The following SLCO1B3 variants were observed in gnomAD, a reference collection of about 807,000 sequenced individuals.
SLCO1B3 encodes liver-specific organic anion transporter 2.
SLCO1B3 carries 72 observed loss-of-function variants against 71.8 expected under a neutral mutation model. The observed-to-expected ratio is 1.00, with a 90% CI of 0.83 to 1.22. The LOEUF (loss-of-function observed/expected upper bound fraction) is 1.22, where lower values mean the gene tolerates loss of function less well. SLCO1B3 is among the 50% of genes most tolerant of loss of function. The pLI is 0.00. For synonymous variants in SLCO1B3, 298 were observed against 278.4 expected, an observed-to-expected ratio of 1.07 and a Z score of -0.70; for missense variants, 911 against 819.7, an observed-to-expected ratio of 1.11 and a Z score of -1.36.
At chr12:20,861,263 A>T (rs1251643842) in intron 6 of SLCO1B3, 125 bp downstream of exon 6, 2 of 827,174 alleles carry the variant, frequency 2.4e-6, no homozygotes, top group African/African-American at 3.5e-5. Context: ...TATCCCTTAC[A>T]TACAGACAAA....
intron 13 of SLCO1B3, among the ~76,000 whole-genome samples, chr12:20,893,345 A>G (rs1865940389): frequency 6.6e-6 from 1 of 152,194 alleles, no homozygotes; most frequent in African/African-American, 2.4e-5. Context: ...CAAAAATGAC[A>G]GGGAGTTTGG....
chr12:20,858,407 G>C (rs77895491), intron 4 of SLCO1B3, 32 bp from the exon 5 acceptor site: 1 of 1,471,684 alleles, frequency 6.8e-7, no homozygotes, highest in Non-Finnish European at 9.5e-7. Context: ...ATTACACTAA[G>C]TCATATCAAC....
In SLCO1B3 at chr12:20,906,647, C is replaced by CA. The variant is rs1281782955; in HGVS notation, c.1865+5187dup. Among the ~76,000 whole-genome samples the CA allele has an allele frequency of 3.3e-5, 5 of 151,880 alleles. No individual in the cohort carries two copies. In the East Asian group the frequency reaches 5.8e-4, roughly 18 times the overall value. On this transcript the variant is annotated intron_variant, in intron 15 of 15. Coordinates refer to ENST00000381545, the MANE Select transcript of SLCO1B3 (RefSeq NM_019844.4). ...CTAAAATTGCTATAAAATATAAAGA[C>CA]AAAAAAATCACGAAACATTTTTCAA... is the stretch of plus-strand genomic sequence containing the variant.
In SLCO1B3 at chr12:20,825,103, A is replaced by G. The variant is rs370420653; in HGVS notation, c.84+9281A>G. 1.1e-3 allele frequency among the ~76,000 whole-genome samples: 163 copies of G among 152,340 alleles called. 4 individuals carry two copies. The South Asian group carries it at 0.033, about 30-fold the overall frequency. On this transcript the variant is annotated intron_variant, in intron 3 of 15. Coordinates refer to ENST00000381545, the MANE Select transcript of SLCO1B3 (RefSeq NM_019844.4). ...CTATTAAATTTTAATCATTTTGACC[A>G]TAAGCTATAATTTCCATAAACCTTT...
chr12:20,862,890 C>A, intron 8 of SLCO1B3, 36 bp downstream of exon 8: 1 of 1,121,432 alleles, frequency 8.9e-7, no homozygotes, highest in Non-Finnish European at 1.3e-6. Flanking sequence ...ATGATAGTGT[C>A]TTTTAAGTGC....
Position 20,835,193 on chromosome 12 carries a change from G to C in SLCO1B3, c.84+19371G>C, listed in dbSNP as rs930558382. On this transcript the variant is annotated intron_variant, in intron 3 of 15. Coordinates refer to ENST00000381545, the MANE Select transcript of SLCO1B3 (RefSeq NM_019844.4). ...CAAGTCATGAGACTGCACACAGCAG[G>C]GGGGCCCTGGACCAGGCTCAGGAAA... 3.9e-5 allele frequency among the ~76,000 whole-genome samples: 6 copies of C among 152,138 alleles called. No homozygotes were observed. The East Asian group carries it at 9.7e-4, about 24-fold the overall frequency.
At chr12:20,890,138 CA>C (rs927633941) in intron 13 of SLCO1B3, among the ~76,000 whole-genome samples, 3 of 151,588 alleles carry the variant, frequency 2.0e-5, no homozygotes, top group African/African-American at 7.3e-5. Context: ...AGGCTGGTCT[CA>C]AACTCCTGAT....
chr12:20,910,600 C>A (rs540094644), intron 15 of SLCO1B3, among the ~76,000 whole-genome samples: 15 of 152,200 alleles, frequency 9.9e-5, no homozygotes, highest in African/African-American at 3.1e-4. Flanking sequence ...CATGGAATAT[C>A]ACTTCATATT....
At chr12:20,846,575 G>T (rs1190387595) in intron 3 of SLCO1B3, among the ~76,000 whole-genome samples, 1 of 152,128 alleles carries the variant, frequency 6.6e-6, no homozygotes, top group Non-Finnish European at 1.5e-5. Context: ...AGTATATGAA[G>T]TAAAAAGAGG....
chr12:20,837,513 GT>G (rs1195754000), intron 3 of SLCO1B3, among the ~76,000 whole-genome samples: 2 of 151,812 alleles, frequency 1.3e-5, no homozygotes, highest in African/African-American at 4.8e-5. Flanking sequence ...GATGAATTGT[GT>G]TTTTATTTTT....
chr12:20,887,190 T>C (rs1865807460), intron 13 of SLCO1B3, among the ~76,000 whole-genome samples: 1 of 152,036 alleles, frequency 6.6e-6, no homozygotes, highest in African/African-American at 2.4e-5. Flanking sequence ...TACAAGTCAG[T>C]TGTCTTTTTA....
chr12:20,911,073 T>C (rs1404976221), intron 15 of SLCO1B3, among the ~76,000 whole-genome samples: 1 of 152,114 alleles, frequency 6.6e-6, no homozygotes, highest in African/African-American at 2.4e-5. Context: ...GTAAAAAATG[T>C]GTAGAATTTT....
intron 3 of SLCO1B3, among the ~76,000 whole-genome samples, chr12:20,836,072 A>G (rs1041675139): frequency 1.3e-5 from 2 of 152,206 alleles, no homozygotes; most frequent in African/African-American, 4.8e-5. Context: ...GGAGAACTGC[A>G]CTTTATAAAA....
intron 3 of SLCO1B3, among the ~76,000 whole-genome samples, chr12:20,848,518 A>C (rs1213219435): frequency 6.6e-6 from 1 of 152,198 alleles, no homozygotes; most frequent in African/African-American, 2.4e-5. Context: ...TTATATCCAC[A>C]TAAAAGCCTG....
intron 8 of SLCO1B3, among the ~76,000 whole-genome samples, chr12:20,872,192 C>T (rs544817367): frequency 2.3e-4 from 35 of 151,918 alleles, no homozygotes; most frequent in Non-Finnish European, 4.1e-4. Context: ...GAAGATTCTG[C>T]CAGGCCACCA....
In SLCO1B3 at chr12:20,916,224, C is replaced by A. The variant is rs996828511; in HGVS notation, c.2086C>A (p.Gln696Lys). 4 of 1,612,754 alleles carry A rather than the reference C, an allele frequency of 2.5e-6. No homozygotes were observed. Among genetic ancestry groups the A allele is most frequent in the Admixed American group, 3.3e-5 (2 of 59,956 alleles). The change falls in exon 16 of 16, where the codon CAA becomes AAA. Residue 696 changes from glutamine to lysine, a missense_variant. Transcript: ENST00000381545. Reference sequence around the variant, plus strand: ...TAGTAAAACATGTAATTTGGACATGCAAGACAATGCTGCTGCCAACTAACA... The same window carrying A: ...TAGTAAAACATGTAATTTGGACATGAAAGACAATGCTGCTGCCAACTAACA... Reference protein sequence around the residue: ...TDSKTCNLDMQDNAAAN With the variant: ...TDSKTCNLDMKDNAAAN
At chr12:20,913,933 G>T (rs1395271722) in intron 15 of SLCO1B3, among the ~76,000 whole-genome samples, 2 of 151,844 alleles carry the variant, frequency 1.3e-5, no homozygotes, top group Non-Finnish European at 2.9e-5. Flanking sequence ...TTGATTTTTT[G>T]TTTGTTTGTT....
chr12:20,855,947 T>C (rs1865126023), intron 4 of SLCO1B3, among the ~76,000 whole-genome samples: 1 of 152,070 alleles, frequency 6.6e-6, no homozygotes, highest in South Asian at 2.1e-4. Context: ...CTACAATTCA[T>C]GTTTCTATTC....
intron 3 of SLCO1B3, among the ~76,000 whole-genome samples, chr12:20,830,136 A>G (rs1864508390): frequency 6.6e-6 from 1 of 152,148 alleles, no homozygotes; most frequent in Non-Finnish European, 1.5e-5. Context: ...TGCCTCTGAC[A>G]GTGTGAGCAA....
Sources: allele counts gnomAD v4.1 joint callset (sites outside exome capture counted in the v4.1 genomes callset), GRCh38; gene constraint gnomAD v4.1.1; transcripts MANE v1.5; gene names NCBI Gene and HGNC (gene_info 2026-07-23, HGNC 2026-07-21).